The following SDK2 variants were observed in gnomAD, a reference collection of about 807,000 sequenced individuals.
SDK2 encodes the protein sidekick cell adhesion molecule 2, also known as protein sidekick-2.
In SDK2, 105 loss-of-function variants were observed where a neutral mutation model predicts 253.9. That is an observed-to-expected ratio of 0.41 (90% CI 0.35 to 0.49). The LOEUF is 0.49. SDK2 is among the 20% of genes least tolerant of loss of function. SDK2 has a pLI of 0.06. For missense variants in SDK2, 2,608 were observed against 3,003.0 expected (o/e 0.87, Z 3.07); for synonymous variants, 1,249 against 1,234.9 (o/e 1.01, Z -0.24).
chr17:73,601,551 G>A (rs2045840282), intron 1 of SDK2, among the ~76,000 whole-genome samples: 1 of 152,158 alleles, frequency 6.6e-6, no homozygotes, highest in African/African-American at 2.4e-5. Flanking sequence ...GAAGCACAGA[G>A]ACATAGGGAT....
chr17:73,565,875 G>A (rs1246236028), intron 1 of SDK2, among the ~76,000 whole-genome samples: 1 of 152,228 alleles, frequency 6.6e-6, no homozygotes, highest in African/African-American at 2.4e-5. Flanking sequence ...CCAGGCTGTA[G>A]TGCAATAGCG....
intron 1 of SDK2, among the ~76,000 whole-genome samples, chr17:73,599,066 C>T (rs1011060434): frequency 2.6e-5 from 4 of 152,178 alleles, no homozygotes; most frequent in Admixed American, 6.5e-5. Flanking sequence ...AAGAGTTACC[C>T]CTTTTCTTGT....
chr17:73,446,934 G>C (rs73347784), intron 5 of SDK2, among the ~76,000 whole-genome samples: 1 of 152,076 alleles, frequency 6.6e-6, no homozygotes, highest in Non-Finnish European at 1.5e-5. Context: ...CCAGCATCTC[G>C]TCCCTCCAAA....
At chr17:73,595,693 C>A (rs1164378162) in intron 1 of SDK2, among the ~76,000 whole-genome samples, 1 of 152,188 alleles carries the variant, frequency 6.6e-6, no homozygotes, top group Non-Finnish European at 1.5e-5. Flanking sequence ...GGAGTAGCCG[C>A]TGACCCACTG....
chr17:73,640,720 C>A (rs2046388316), intron 1 of SDK2, among the ~76,000 whole-genome samples: 1 of 152,246 alleles, frequency 6.6e-6, no homozygotes. Flanking sequence ...AACTTTCTCC[C>A]TTTGGAGCCT....
chr17:73,396,500 C>G (rs1463624100), intron 24 of SDK2, among the ~76,000 whole-genome samples: 2 of 152,058 alleles, frequency 1.3e-5, no homozygotes, highest in African/African-American at 2.4e-5. Context: ...GCCCCAACCT[C>G]CCCTGCTCAC....
At chr17:73,468,939 T>C (rs1390569310) in intron 3 of SDK2, among the ~76,000 whole-genome samples, 1 of 151,908 alleles carries the variant, frequency 6.6e-6, no homozygotes, top group Non-Finnish European at 1.5e-5. Flanking sequence ...ATTCTCCCAC[T>C]TCAGCCTCCC....
intron 16 of SDK2, among the ~76,000 whole-genome samples, 161 bp downstream of exon 16, chr17:73,419,005 C>A (rs2063205488): frequency 6.6e-6 from 1 of 152,170 alleles, no homozygotes; most frequent in Non-Finnish European, 1.5e-5. Context: ...GGTGTCCAAC[C>A]TAAATCCTTC....
chr17:73,560,316 C>T (rs992638389), intron 1 of SDK2, among the ~76,000 whole-genome samples: 7 of 152,148 alleles, frequency 4.6e-5, no homozygotes, highest in South Asian at 2.1e-4. Context: ...TGCACCCGAC[C>T]GTGCCTCGCA....
chr17:73,479,300 G>A (rs1231763803), intron 2 of SDK2, among the ~76,000 whole-genome samples: 1 of 152,242 alleles, frequency 6.6e-6, no homozygotes, highest in Non-Finnish European at 1.5e-5. Flanking sequence ...CTTTTGGGCA[G>A]CAGGCAGGAG....
Position 73,338,987 on chromosome 17 carries a change from G to A in SDK2, c.6166-47C>T. 1 of 1,554,142 alleles carries A rather than the reference G, an allele frequency of 6.4e-7. No homozygotes were observed. The highest frequency in any genetic ancestry group is 8.9e-7 in the Non-Finnish European group (1 of 1,126,816). On this transcript the variant is annotated intron_variant, in intron 44 of 44. Coordinates refer to ENST00000392650, the MANE Select transcript of SDK2 (RefSeq NM_001144952.2). The surrounding 1 kb of genome is among the most constrained non-coding windows in gnomAD (Gnocchi z 5.0). ...GTGTGTCAGTGGCCCCGTAGGGACA[G>A]GCCATTGTGGTTGGGGCCGGAAGGC...
At chr17:73,432,808 G>A (rs1259179611) in intron 10 of SDK2, among the ~76,000 whole-genome samples, 1 of 152,112 alleles carries the variant, frequency 6.6e-6, no homozygotes, top group African/African-American at 2.4e-5. Context: ...GTGCATATGT[G>A]TGCACATGTG....
chr17:73,486,574 C>T (rs2063770684), intron 2 of SDK2, among the ~76,000 whole-genome samples: 1 of 143,494 alleles, frequency 7.0e-6, no homozygotes, highest in Non-Finnish European at 1.5e-5. Flanking sequence ...TGCACCACTG[C>T]ACTACAGCCT....
rs142227808 is a variant in SDK2 at position 73,415,971 on chromosome 17, G to A, written c.2208C>T (p.Pro736=). The change falls in exon 17 of 45, where the codon CCC becomes CCT. Residue 736 remains proline, a synonymous_variant. Coordinates refer to ENST00000392650, the MANE Select transcript of SDK2 (RefSeq NM_001144952.2). ...TGATGTTCTTAAACTGGTACCCCACGGGCAGCCCGGCCAGGCAGTACCTGA... is the reference window on the plus strand; with the variant it reads ...TGATGTTCTTAAACTGGTACCCCACAGGCAGCCCGGCCAGGCAGTACCTGA... ...YIIRYCLAGL[P]VGYQFKNITD... 370 of 1,610,998 alleles carry A rather than the reference G, an allele frequency of 2.3e-4. No homozygotes were observed. Among genetic ancestry groups the A allele is most frequent in the African/African-American group, 1.2e-3 (90 of 74,978 alleles).
At chr17:73,351,564 AG>A (rs1555749733) in intron 41 of SDK2, among the ~76,000 whole-genome samples, 2 of 152,134 alleles carry the variant, frequency 1.3e-5, no homozygotes, top group Non-Finnish European at 1.5e-5. Context: ...AGCAGAAGGC[AG>A]GGGGAATTGG....
chr17:73,592,513 G>A (rs532935369), intron 1 of SDK2, among the ~76,000 whole-genome samples: 5 of 152,286 alleles, frequency 3.3e-5, no homozygotes, highest in South Asian at 2.1e-4. Context: ...CCATGCCCCC[G>A]GCAGCACCTC....
rs2063516238 is a variant in SDK2, at chr17:73,455,169, T to G, written c.479+737A>C. On this transcript the variant is annotated intron_variant, in intron 4 of 44. Coordinates refer to ENST00000392650, the MANE Select transcript of SDK2 (RefSeq NM_001144952.2). This position sits in a 1 kb window ranked among gnomAD's most constrained non-coding sequence, Gnocchi z 5.0. ...GCAGCCTGGGTAGATCAGAAGGTGG[T>G]CTTCTGGAAGCAGGGGAGAGCTGGA... Among the ~76,000 whole-genome samples the G allele has an allele frequency of 6.6e-6, 1 of 151,788 alleles. No homozygotes were observed. The highest frequency in any genetic ancestry group is 1.5e-5 in the Non-Finnish European group (1 of 67,944).
At chr17:73,391,372 G>T in intron 28 of SDK2, 68 bp downstream of exon 28, 1 of 884,484 alleles carries the variant, frequency 1.1e-6, no homozygotes, top group Non-Finnish European at 1.5e-6. Flanking sequence ...GTAACGAAGT[G>T]GCCTCCTTTG....
At chr17:73,457,225 TCC>T (rs2063531960) in intron 3 of SDK2, among the ~76,000 whole-genome samples, 3 of 3,676 alleles carry the variant, frequency 8.2e-4, no homozygotes, top group Non-Finnish European at 1.6e-3. Context: ...TCTTTTCTCT[TCC>T]TTCCTTCCTT....
Sources: allele counts gnomAD v4.1 joint callset (sites outside exome capture counted in the v4.1 genomes callset), GRCh38; gene constraint gnomAD v4.1.1; non-coding constraint Gnocchi (gnomAD v3.1); transcripts MANE v1.5; gene names NCBI Gene and HGNC (gene_info 2026-07-23, HGNC 2026-07-21).